Variants in CEBPZ observed in about 807,000 individuals in gnomAD.
The protein encoded by CEBPZ is CCAAT enhancer binding protein zeta.
In CEBPZ, 78 loss-of-function variants were observed where a neutral mutation model predicts 104.5. The ratio of observed to expected loss-of-function variants is 0.75; its 90% CI spans 0.62 to 0.90. The LOEUF is 0.90. Among genes scored for constraint, CEBPZ ranks in the 40% least tolerant of loss-of-function variants. CEBPZ has a pLI of 0.00. For missense variants in CEBPZ, 1,439 were observed against 1,233.5 expected (o/e 1.17, Z -2.50); for synonymous variants, 470 against 427.0 (o/e 1.10, Z -1.24).
In CEBPZ at chr2:37,228,085, G is replaced by C; in HGVS notation, c.1108C>G (p.His370Asp). 1 of 1,614,230 alleles carries C rather than the reference G, an allele frequency of 6.2e-7. No individual in the cohort carries two copies. The highest frequency in any genetic ancestry group is 1.1e-5 in the South Asian group (1 of 91,086). The change falls in exon 2 of 16, where the codon CAT (histidine) becomes GAT (aspartate). Residue 370 changes from histidine to aspartate, a missense_variant. Coordinates refer to ENST00000234170, the MANE Select transcript of CEBPZ (RefSeq NM_005760.3). ...TCAGGCTTGTTACAAAGCAGCTCAT[G>C]AGCCACGGTAAGGGCTCGAGTTTTA... The part of the protein sequence containing the change: ...TTKTRALTVA[H>D]ELLCNKPEEE...
rs748545394 is a variant in CEBPZ at position 37,227,879 on chromosome 2, T to C, written c.1314A>G (p.Gln438=). Residue 438 remains glutamine (Q), a synonymous_variant, in exon 2 of 16, where the codon CAA becomes CAG. Coordinates refer to ENST00000234170, the MANE Select transcript of CEBPZ (RefSeq NM_005760.3). ...LFRSNISSKA[Q]YYAICFLNQM... Reference sequence around the variant, plus strand: ...GATTTAAAAAGCAAATTGCATAATATTGAGCTTTGGAGCTGATATTTGAGC... The same window carrying C: ...GATTTAAAAAGCAAATTGCATAATACTGAGCTTTGGAGCTGATATTTGAGC... The C allele has an allele frequency of 6.2e-6, 10 of 1,614,060 alleles. No homozygotes were observed. Among genetic ancestry groups the C allele is most frequent in the Non-Finnish European group, 7.6e-6 (9 of 1,180,044 alleles).
Position 37,228,727 on chromosome 2 carries a change from T to C in CEBPZ, c.466A>G (p.Thr156Ala). 1.2e-6 allele frequency: 2 copies of C among 1,614,222 alleles called. No homozygotes were observed. The highest frequency in any genetic ancestry group is 1.7e-6 in the Non-Finnish European group (2 of 1,180,032). Residue 156 changes from threonine to alanine, a missense_variant, in exon 2 of 16, where the codon ACA becomes GCA. Coordinates refer to ENST00000234170, the MANE Select transcript of CEBPZ (RefSeq NM_005760.3). ...EPHSDENGST[T>A]PKVKKDKQNI... ...TGTTTATCTTTCTTTACTTTCGGTG[T>C]GGTACTGCCATTCTCATCAGAATGT...
Position 37,220,407 on chromosome 2 carries a change from G to C in CEBPZ, c.2132C>G (p.Thr711Arg). The change falls in exon 5 of 16, where the codon ACA (threonine) becomes AGA (arginine). Residue 711 changes from threonine to arginine, a missense_variant. Transcript: ENST00000234170. ...RNPLFCGAEN[T>R]SLWELKKLSV... ...TACCTTTTTGAGTTCCCAAAGACTT[G>C]TATTTTCAGCTCCACAGAACAGAGG... 2 of 1,590,580 alleles carry C rather than the reference G, an allele frequency of 1.3e-6. No homozygotes were observed. Among genetic ancestry groups the C allele is most frequent in the Non-Finnish European group, 1.7e-6 (2 of 1,164,368 alleles).
At chr2:37,224,660 G>A (rs1664843573) in intron 2 of CEBPZ, among the ~76,000 whole-genome samples, 1 of 152,114 alleles carries the variant, frequency 6.6e-6, no homozygotes, top group Non-Finnish European at 1.5e-5. Flanking sequence ...AAACATCTGA[G>A]AAGAATTTAG....
intron 8 of CEBPZ, 61 bp from the exon 9 acceptor site, chr2:37,215,013 C>A: frequency 9.3e-7 from 1 of 1,079,566 alleles, no homozygotes; most frequent in Non-Finnish European, 1.4e-6. Context: ...GTTACTCAAG[C>A]TCTTAAGACA....
At chr2:37,220,582 C>G (rs1056370455) in intron 4 of CEBPZ, 109 bp from the exon 5 acceptor site, 2 of 459,806 alleles carry the variant, frequency 4.3e-6, no homozygotes, top group South Asian at 4.6e-5. Flanking sequence ...AACATTCTTA[C>G]TTAGCCAAGC....
At chr2:37,214,217 A>G (rs1404794706) in intron 9 of CEBPZ, among the ~76,000 whole-genome samples, 1 of 152,230 alleles carries the variant, frequency 6.6e-6, no homozygotes, top group Non-Finnish European at 1.5e-5. Flanking sequence ...GAATACAGCA[A>G]AACTTAGCCA....
chr2:37,228,364 C>A lies in CEBPZ; in HGVS notation c.829G>T (p.Gly277Cys). Residue 277 changes from glycine to cysteine, a missense_variant, in exon 2 of 16, where the codon GGC becomes TGC. By Grantham distance (159) the Gly-to-Cys change is radical. Coordinates refer to ENST00000234170, the MANE Select transcript of CEBPZ (RefSeq NM_005760.3). Reference protein sequence around the residue: ...ETLVNLVKKKGSKQQCLMALD... With the variant: ...ETLVNLVKKKCSKQQCLMALD... ...GCCATAAGGCACTGCTGTTTGCTGCCCTTCTTTTTAACAAGGTTCACAAGA... is the reference window on the plus strand; with the variant it reads ...GCCATAAGGCACTGCTGTTTGCTGCACTTCTTTTTAACAAGGTTCACAAGA... The A allele has an allele frequency of 6.2e-7, 1 of 1,614,110 alleles. No individual in the cohort carries two copies. Among genetic ancestry groups the A allele is most frequent in the Non-Finnish European group, 8.5e-7 (1 of 1,180,012 alleles).
intron 9 of CEBPZ, 145 bp from the exon 10 acceptor site, chr2:37,214,106 C>T (rs1379891761): frequency 6.3e-6 from 3 of 478,078 alleles, no homozygotes; most frequent in Non-Finnish European, 1.1e-5. Context: ...AAATTTGTAT[C>T]TAATATACAA....
chr2:37,214,547 CAA>C (rs1179624860), intron 9 of CEBPZ, among the ~76,000 whole-genome samples: 2 of 151,640 alleles, frequency 1.3e-5, no homozygotes, highest in African/African-American at 4.8e-5. Context: ...GGCTAAATTC[CAA>C]AAAGAAGCAT....
At position 37,228,088 on chromosome 2, in the gene CEBPZ, C is replaced by A. The variant is rs1444098627; in HGVS notation, c.1105G>T (p.Ala369Ser). 6.2e-7 allele frequency: 1 copy of A among 1,614,078 alleles called. No homozygotes were observed. The highest frequency in any genetic ancestry group is 1.7e-5 in the Admixed American group (1 of 60,012). ...GGCTTGTTACAAAGCAGCTCATGAG[C>A]CACGGTAAGGGCTCGAGTTTTAGTG... ...VTTKTRALTVAHELLCNKPEE... is the reference protein window; with the variant it reads ...VTTKTRALTVSHELLCNKPEE... Residue 369 changes from alanine to serine, a missense_variant, in exon 2 of 16, where the codon GCT becomes TCT. Coordinates refer to ENST00000234170, the MANE Select transcript of CEBPZ (RefSeq NM_005760.3).
At chr2:37,226,805 C>T (rs576877745) in intron 2 of CEBPZ, among the ~76,000 whole-genome samples, 1 of 152,244 alleles carries the variant, frequency 6.6e-6, no homozygotes, top group Non-Finnish European at 1.5e-5. Context: ...CTATGTTCGA[C>T]TGTCTCTTAA....
At chr2:37,230,241 G>A (rs1297752635) in intron 1 of CEBPZ, among the ~76,000 whole-genome samples, 1 of 152,134 alleles carries the variant, frequency 6.6e-6, no homozygotes, top group Non-Finnish European at 1.5e-5. Context: ...GTAGAGATAG[G>A]TGTATATATA....
chr2:37,202,506 G>A (rs1442517973), intron 15 of CEBPZ: 2 of 242,504 alleles, frequency 8.2e-6, no homozygotes, highest in Non-Finnish European at 1.6e-5. Flanking sequence ...TTAGCTGGGC[G>A]TGGTGGTGCA....
chr2:37,214,009 C>G, intron 9 of CEBPZ, 48 bp from the exon 10 acceptor site: 1 of 1,044,502 alleles, frequency 9.6e-7, no homozygotes, highest in Non-Finnish European at 1.3e-6. Context: ...AAGGTCTAAT[C>G]TTACTATATA....
Position 37,216,328 on chromosome 2 carries a change from G to A in CEBPZ, c.2299C>T (p.His767Tyr), listed in dbSNP as rs770953616. The A allele has an allele frequency of 1.9e-6, 3 of 1,613,504 alleles. No individual in the cohort carries two copies. The highest frequency in any genetic ancestry group is 2.2e-5 in the South Asian group (2 of 90,962). The change falls in exon 7 of 16, where the codon CAT (histidine) becomes TAT (tyrosine). Residue 767 changes from histidine (H) to tyrosine (Y), a missense_variant. His to Tyr is a moderately conservative substitution (Grantham distance 83). Coordinates refer to ENST00000234170, the MANE Select transcript of CEBPZ (RefSeq NM_005760.3). Reference protein sequence around the residue: ...DRFVYRNPKPHKGKENTDSVV... With the variant: ...DRFVYRNPKPYKGKENTDSVV... ...AATAGAAGCATACCTTTGCCTTTAT[G>A]GGGCTTTGGATTTCGGTATACAAAT...
At chr2:37,222,267 G>C (rs917712489) in intron 4 of CEBPZ, 113 bp downstream of exon 4, 3 of 949,212 alleles carry the variant, frequency 3.2e-6, no homozygotes, top group East Asian at 2.9e-5. Flanking sequence ...CTGGGCAACA[G>C]AGTGAGACTC....
intron 5 of CEBPZ, among the ~76,000 whole-genome samples, chr2:37,219,725 C>A (rs1572504819): frequency 6.6e-6 from 1 of 152,122 alleles, no homozygotes. Context: ...ATTCCTCTTA[C>A]AAATTCAGAA....
At position 37,228,903 on chromosome 2, in the gene CEBPZ, G is replaced by A; in HGVS notation, c.290C>T (p.Thr97Ile). ...FIQNLNLAKY[T>I]KASLVEEDEP... is the part of the protein sequence containing the mutation. ...ATCTTCTTCAACTAAGGAAGCTTTTGTATACTTCGCCAAATTAAGATTTTG... is the reference window on the plus strand; with the variant it reads ...ATCTTCTTCAACTAAGGAAGCTTTTATATACTTCGCCAAATTAAGATTTTG... Residue 97 changes from threonine (T) to isoleucine (I), a missense_variant, in exon 2 of 16, where the codon ACA (threonine) becomes ATA (isoleucine). Transcript: ENST00000234170. The A allele has an allele frequency of 6.2e-7, 1 of 1,610,526 alleles. No individual in the cohort carries two copies. Among genetic ancestry groups the A allele is most frequent in the South Asian group, 1.1e-5 (1 of 89,768 alleles).
Sources: gnomAD v4.1 joint callset for allele counts (sites outside exome capture counted in the v4.1 genomes callset) on GRCh38, gnomAD v4.1.1 for gene constraint, MANE v1.5 for transcripts, NCBI Gene and HGNC (gene_info 2026-07-23, HGNC 2026-07-21) for gene names.